The following GPATCH2 variants were observed in gnomAD, a reference collection of about 807,000 sequenced individuals.
GPATCH2 encodes G-patch domain containing 2, also known as G patch domain-containing protein 2.
In GPATCH2, 51 loss-of-function variants were observed where a neutral mutation model predicts 58.0. The observed-to-expected ratio is 0.88, with a 90% CI of 0.70 to 1.11. GPATCH2 has a LOEUF of 1.11. GPATCH2 is among the 50% of genes most tolerant of loss of function. GPATCH2 has a pLI of 0.00. For synonymous variants in GPATCH2, 222 were observed against 218.5 expected, an observed-to-expected ratio of 1.02 and a Z score of -0.14; for missense variants, 625 against 652.2, an observed-to-expected ratio of 0.96 and a Z score of 0.45.
intron 6 of GPATCH2, among the ~76,000 whole-genome samples, chr1:217,509,754 A>G (rs902441083): frequency 1.3e-5 from 2 of 152,242 alleles, no homozygotes; most frequent in African/African-American, 2.4e-5. Flanking sequence ...ATTGTGATGT[A>G]CATTGTAAGA....
At chr1:217,609,740 A>T in intron 5 of GPATCH2, 1 of 946,758 alleles carries the variant, frequency 1.1e-6, no homozygotes. Context: ...CATGATTTTT[A>T]TTTACAACAG....
At chr1:217,594,663 A>G (rs1667737627) in intron 5 of GPATCH2, among the ~76,000 whole-genome samples, 1 of 152,232 alleles carries the variant, frequency 6.6e-6, no homozygotes, top group South Asian at 2.1e-4. Flanking sequence ...CTTCATACAT[A>G]TTCATATCTT....
intron 5 of GPATCH2, among the ~76,000 whole-genome samples, chr1:217,575,408 G>T (rs1459606049): frequency 6.6e-6 from 1 of 152,058 alleles, no homozygotes; most frequent in Non-Finnish European, 1.5e-5. Context: ...TGTCAATTTT[G>T]TTTCAAATGG....
At chr1:217,554,218 G>A (rs1036389113) in intron 5 of GPATCH2, among the ~76,000 whole-genome samples, 8 of 152,150 alleles carry the variant, frequency 5.3e-5, no homozygotes, top group African/African-American at 1.9e-4. Context: ...TGTGCACAGG[G>A]TCTAGCCATT....
At chr1:217,620,555 C>T in intron 1 of GPATCH2, 56 bp from the exon 2 acceptor site, 4 of 971,972 alleles carry the variant, frequency 4.1e-6, no homozygotes, top group South Asian at 3.1e-5. Flanking sequence ...ACAGTAACCT[C>T]ATTTTCTATA....
rs532559887 is a variant in GPATCH2, at chr1:217,622,833, C to A, written c.57-2334G>T. 9.8e-5 allele frequency among the ~76,000 whole-genome samples: 15 copies of A among 152,330 alleles called. No homozygotes were observed. In the South Asian group the frequency reaches 2.5e-3, roughly 25 times the overall value. ...CTGGAATTATAGGCGTGAGCCACCA[C>A]GCCCAGCCCCACAAATCAGGATTTA... is the stretch of plus-strand genomic sequence containing the variant. On this transcript the variant is annotated intron_variant, in intron 1 of 9. Transcript: ENST00000366935.
intron 8 of GPATCH2, among the ~76,000 whole-genome samples, chr1:217,467,366 G>A (rs1024729418): frequency 6.6e-6 from 1 of 151,904 alleles, no homozygotes; most frequent in Non-Finnish European, 1.5e-5. Context: ...ATTATACATT[G>A]GTATACCTAT....
rs1658376704 is a variant in GPATCH2 at position 217,427,356 on chromosome 1, C to CTAA, written c.*3786_*3788dup. ...CAAATACATTTACCAATATTTTTCT[C>CTAA]TAATTTTTTTGAGATATTGAAATTT... is the stretch of plus-strand genomic sequence containing the variant. On this transcript the variant is annotated 3_prime_UTR_variant, in exon 10 of 10. Transcript: ENST00000366935. 1 of 152,110 alleles carries CTAA rather than the reference C, an allele frequency of 6.6e-6. No individual in the cohort carries two copies. The highest frequency in any genetic ancestry group is 6.5e-5 in the Admixed American group (1 of 15,270). 9.4% of individuals were successfully genotyped at this position (152,110 alleles called of 1,614,324 possible). A position where few individuals can be genotyped will look rare whatever the true frequency, so the allele number is the denominator to read the frequency against.
Position 217,620,453 on chromosome 1 carries a change from C to A in GPATCH2, c.103G>T (p.Ala35Ser). ...GCTTGCTCTGAGCTCTCTTCCAATGCTGAGACAAGGTCATGAACCAGCTCC... is the reference window on the plus strand; with the variant it reads ...GCTTGCTCTGAGCTCTCTTCCAATGATGAGACAAGGTCATGAACCAGCTCC... Reference protein sequence around the residue: ...MEELVHDLVSALEESSEQARG... With the variant: ...MEELVHDLVSSLEESSEQARG... Residue 35 changes from alanine to serine, a missense_variant, in exon 2 of 10, where the codon GCA becomes TCA. Coordinates refer to ENST00000366935, the MANE Select transcript of GPATCH2 (RefSeq NM_018040.5). 2 of 1,613,956 alleles carry A rather than the reference C, an allele frequency of 1.2e-6. No individual in the cohort carries two copies. Among genetic ancestry groups the A allele is most frequent in the Non-Finnish European group, 1.7e-6 (2 of 1,179,888 alleles).
intron 6 of GPATCH2, among the ~76,000 whole-genome samples, chr1:217,503,634 A>G (rs1407234060): frequency 6.6e-6 from 1 of 152,174 alleles, no homozygotes; most frequent in Non-Finnish European, 1.5e-5. Context: ...GGTAGTGAAC[A>G]TAAGATAAAA....
intron 8 of GPATCH2, among the ~76,000 whole-genome samples, chr1:217,451,781 A>G (rs1164982221): frequency 6.6e-6 from 1 of 152,214 alleles, no homozygotes; most frequent in African/African-American, 2.4e-5. Context: ...TAAAGTGGGA[A>G]TCTGAATTCT....
intron 9 of GPATCH2, among the ~76,000 whole-genome samples, chr1:217,436,528 T>C (rs1173568245): frequency 6.6e-6 from 1 of 152,180 alleles, no homozygotes; most frequent in African/African-American, 2.4e-5. Flanking sequence ...AGAGATGTTG[T>C]ACAAACCACT....
intron 6 of GPATCH2, among the ~76,000 whole-genome samples, chr1:217,510,909 A>T (rs975300564): frequency 2.6e-5 from 4 of 152,188 alleles, no homozygotes; most frequent in South Asian, 4.1e-4. Context: ...CCTGGCCAAC[A>T]TGGTGAAACC....
At chr1:217,620,781 G>A (rs1169594828) in intron 1 of GPATCH2, among the ~76,000 whole-genome samples, 1 of 152,228 alleles carries the variant, frequency 6.6e-6, no homozygotes, top group East Asian at 1.9e-4. Flanking sequence ...GTATAATTAT[G>A]GAAAAGTTCT....
At chr1:217,447,831 G>C (rs997591544) in intron 9 of GPATCH2, among the ~76,000 whole-genome samples, 1 of 152,094 alleles carries the variant, frequency 6.6e-6, no homozygotes, top group Non-Finnish European at 1.5e-5. Context: ...GGTGGCTCAC[G>C]AGCCACCTGT....
intron 8 of GPATCH2, among the ~76,000 whole-genome samples, chr1:217,460,460 A>T (rs1660154030): frequency 6.6e-6 from 1 of 152,166 alleles, no homozygotes. Flanking sequence ...ATGTGGGAAA[A>T]ATGATTCCAA....
chr1:217,568,215 G>A (rs964407475), intron 5 of GPATCH2, among the ~76,000 whole-genome samples: 3 of 152,162 alleles, frequency 2.0e-5, no homozygotes, highest in Non-Finnish European at 4.4e-5. Context: ...TCTACATGAT[G>A]AAATATTATG....
chr1:217,439,856 C>A (rs1295106082), intron 9 of GPATCH2, among the ~76,000 whole-genome samples: 2 of 152,148 alleles, frequency 1.3e-5, no homozygotes, highest in African/African-American at 2.4e-5. Flanking sequence ...CAAGTTCTGA[C>A]ATTGAGGCAG....
At chr1:217,601,397 ACT>A (rs1362283939) in intron 5 of GPATCH2, among the ~76,000 whole-genome samples, 7 of 151,846 alleles carry the variant, frequency 4.6e-5, no homozygotes, top group East Asian at 1.9e-4. Context: ...TATAATTATT[ACT>A]GTCTCAATTA....
Sources: gnomAD v4.1 joint callset for allele counts (sites outside exome capture counted in the v4.1 genomes callset) on GRCh38, gnomAD v4.1.1 for gene constraint, MANE v1.5 for transcripts, NCBI Gene and HGNC (gene_info 2026-07-23, HGNC 2026-07-21) for gene names.